LRRC34: variants seen among roughly 807,000 people sequenced by gnomAD.
LRRC34 encodes leucine-rich repeat-containing protein 34.
Under a neutral mutation model 48.5 loss-of-function variants are expected in LRRC34, and 44 were observed. The ratio of observed to expected loss-of-function variants is 0.91; its 90% confidence interval spans 0.71 to 1.17. The LOEUF (loss-of-function observed/expected upper bound fraction) is 1.17. LRRC34 is among the 50% of genes most tolerant of loss of function. The probability of loss-of-function intolerance (pLI) is 0.00; values close to 1 mark genes in which losing one functional copy is unlikely to be tolerated. For missense variants in LRRC34, 502 were observed against 563.0 expected (o/e 0.89, Z 1.10); for synonymous variants, 192 against 197.6 (o/e 0.97, Z 0.24).
chr3:169,793,476 T>C lies in LRRC34; in HGVS notation c.*159A>G, dbSNP rs1778866948. ...TTTAAAAAATTACCCTACTCAGTTT[T>C]TCACAATAGACAGTTATACAAAGTT... On this transcript the variant is annotated 3_prime_UTR_variant, in exon 11 of 11. Transcript: ENST00000446859. The C allele has an allele frequency of 1.9e-6, 1 of 529,684 alleles. No homozygotes were observed. The highest frequency in any genetic ancestry group is 3.2e-6 in the Non-Finnish European group (1 of 316,152). The allele number at this position is 529,684 out of a possible 1,614,324, so 32.8% of individuals were successfully genotyped here.
chr3:169,795,314 G>T, intron 10 of LRRC34, 171 bp downstream of exon 10: 2 of 506,888 alleles, frequency 3.9e-6, no homozygotes, highest in Non-Finnish European at 6.5e-6. Context: ...TAATATCTTT[G>T]GTTATTTGAA....
chr3:169,810,833 G>A (rs944093429), intron 1 of LRRC34, among the ~76,000 whole-genome samples: 3 of 152,354 alleles, frequency 2.0e-5, no homozygotes, highest in Non-Finnish European at 4.4e-5. Flanking sequence ...GGGAGGCCGA[G>A]GCGAGCGGAT....
Position 169,793,055 on chromosome 3 carries a change from A to G in LRRC34, c.*580T>C, listed in dbSNP as rs1048411511. Among the ~76,000 whole-genome samples, 4 of 152,036 alleles carry G rather than the reference A, an allele frequency of 2.6e-5. No individual in the cohort carries two copies. Among genetic ancestry groups the G allele is most frequent in the Admixed American group, 6.6e-5 (1 of 15,266 alleles). ...ATAAAGGTCAAGAACAGGCAAAACTACTCTGTGGGGTTAGAAGTCAGGATA... is the reference window on the plus strand; with the variant it reads ...ATAAAGGTCAAGAACAGGCAAAACTGCTCTGTGGGGTTAGAAGTCAGGATA... On this transcript the variant is annotated 3_prime_UTR_variant, in exon 11 of 11. Coordinates refer to ENST00000446859, the MANE Select transcript of LRRC34 (RefSeq NM_001172779.2).
chr3:169,809,199 CTT>C (rs35059929), intron 1 of LRRC34, among the ~76,000 whole-genome samples: 3,015 of 113,336 alleles, frequency 0.027, 91 homozygotes, highest in African/African-American at 0.087. Flanking sequence ...CTCAAGGTTT[CTT>C]TTTTTTTTTT....
Position 169,793,135 on chromosome 3 carries a change from G to A in LRRC34, c.*500C>T, listed in dbSNP as rs1560593624. Among the ~76,000 whole-genome samples, 1 of 152,098 alleles carries A rather than the reference G, an allele frequency of 6.6e-6. No individual in the cohort carries two copies. The highest frequency in any genetic ancestry group is 6.5e-5 in the Admixed American group (1 of 15,282). ...GCAGCACTGGCTTGTTGGGAAAGGG[G>A]TATGTATATGTTTATATATATTTGC... On this transcript the variant is annotated 3_prime_UTR_variant, in exon 11 of 11. Transcript: ENST00000446859.
chr3:169,799,782 G>A (rs1415503259), intron 7 of LRRC34, among the ~76,000 whole-genome samples: 4 of 152,144 alleles, frequency 2.6e-5, no homozygotes, highest in Admixed American at 6.5e-5. Flanking sequence ...GTGCAATCTC[G>A]GCTCACTGCA....
At chr3:169,809,601 CT>C (rs1246761834) in intron 1 of LRRC34, among the ~76,000 whole-genome samples, 1 of 152,198 alleles carries the variant, frequency 6.6e-6, no homozygotes, top group Non-Finnish European at 1.5e-5. Flanking sequence ...CCTACATCTT[CT>C]GGGGTGGAAG....
intron 6 of LRRC34, 134 bp from the exon 7 acceptor site, chr3:169,800,888 G>A (rs1294487256): frequency 3.2e-6 from 2 of 625,410 alleles, no homozygotes; most frequent in Admixed American, 3.0e-5. Flanking sequence ...ACTTTGAATT[G>A]TAAGTTGATC....
intron 1 of LRRC34, among the ~76,000 whole-genome samples, chr3:169,809,203 T>C (rs1465411983): frequency 6.7e-6 from 1 of 150,364 alleles, no homozygotes; most frequent in Non-Finnish European, 1.5e-5. Context: ...AGGTTTCTTT[T>C]TTTTTTTTTT....
intron 10 of LRRC34, chr3:169,794,648 T>C (rs914758444): frequency 1.3e-5 from 2 of 152,442 alleles, no homozygotes; most frequent in Non-Finnish European, 2.9e-5. Flanking sequence ...TCTCTTGACC[T>C]CGTGATCCCC....
chr3:169,809,465 C>T (rs1026172824), intron 1 of LRRC34, among the ~76,000 whole-genome samples: 5 of 152,122 alleles, frequency 3.3e-5, no homozygotes, highest in African/African-American at 1.2e-4. Flanking sequence ...CTAAAGGTGA[C>T]TTTTCCCTAA....
At chr3:169,809,958 CTTTT>C (rs11344572) in intron 1 of LRRC34, among the ~76,000 whole-genome samples, 2 of 138,234 alleles carry the variant, frequency 1.4e-5, no homozygotes, top group Admixed American at 7.2e-5. Flanking sequence ...TTGGAAATTT[CTTTT>C]TTTTTTTTTT....
At chr3:169,796,525 A>G (rs1465624246) in intron 8 of LRRC34, 156 bp from the exon 9 acceptor site, 5 of 993,704 alleles carry the variant, frequency 5.0e-6, no homozygotes, top group African/African-American at 1.7e-5. Context: ...TCACCATAAA[A>G]TATTGCTTTC....
In LRRC34 at chr3:169,812,429, C is replaced by A; in HGVS notation, c.120G>T (p.Ala40=). The A allele has an allele frequency of 6.5e-7, 1 of 1,529,294 alleles. No individual in the cohort carries two copies. Among genetic ancestry groups the A allele is most frequent in the Non-Finnish European group, 8.7e-7 (1 of 1,144,736 alleles). The allele number at this position is 1,529,294 out of a possible 1,614,324, so 94.7% of individuals were successfully genotyped here. The change falls in exon 1 of 11, where the codon GCG becomes GCT. Residue 40 remains alanine, a synonymous_variant. Transcript: ENST00000446859. This position sits in a 1 kb window ranked among gnomAD's most constrained non-coding sequence, Gnocchi z 4.3. ...TCTTACCGCGCTGGACCGCCAGGGC[C>A]GCGCCCGGAGTACTGGCCTGAGTGG... is the stretch of plus-strand genomic sequence containing the variant. ...WASTQASTPG[A]ALAVQRESPE...
In LRRC34 at chr3:169,796,853, CAG is replaced by C. The variant is rs770985781; in HGVS notation, c.798_799del (p.His266GlnfsTer9). The C allele has an allele frequency of 1.2e-5, 19 of 1,607,340 alleles. No individual in the cohort carries two copies. In the African/African-American group the frequency reaches 1.5e-4, roughly 12 times the overall value. On this transcript the variant is annotated frameshift_variant, in exon 8 of 11. Transcript: ENST00000446859. LOFTEE classifies it high-confidence loss of function. ...CTTACACATGTGTAGTGCAACAAGACAGTGATTTTCTTTCAACATGCGGCCTA... is the reference window on the plus strand; with the variant it reads ...CTTACACATGTGTAGTGCAACAAGACTGATTTTCTTTCAACATGCGGCCTA...
In LRRC34 at chr3:169,812,610, G is replaced by C; in HGVS notation, c.-62C>G. On this transcript the variant is annotated 5_prime_UTR_variant, in exon 1 of 11. Coordinates refer to ENST00000446859, the MANE Select transcript of LRRC34 (RefSeq NM_001172779.2). The surrounding 1 kb of genome is among the most constrained non-coding windows in gnomAD (Gnocchi z 4.3). ...GTGAGGCGGCTACACGAGCCTCGGC[G>C]CCAGCCTGCTTCGAGTCCCGCTGGC... 1 of 1,412,312 alleles carries C rather than the reference G, an allele frequency of 7.1e-7. No individual in the cohort carries two copies. Among genetic ancestry groups the C allele is most frequent in the Non-Finnish European group, 9.2e-7 (1 of 1,090,346 alleles). 87.5% of individuals were successfully genotyped at this position (1,412,312 alleles called of 1,614,324 possible).
intron 10 of LRRC34, 131 bp downstream of exon 10, chr3:169,795,354 G>T: frequency 3.3e-6 from 3 of 915,388 alleles, no homozygotes; most frequent in South Asian, 2.4e-5. Context: ...TTAATTTTAA[G>T]ACTTATGTTA....
In LRRC34 at chr3:169,793,605, G is replaced by A; in HGVS notation, c.*30C>T. The A allele has an allele frequency of 6.8e-7, 1 of 1,475,400 alleles. No individual in the cohort carries two copies. The highest frequency in any genetic ancestry group is 1.2e-5 in the South Asian group (1 of 86,140). 91.4% of individuals were successfully genotyped at this position (1,475,400 alleles called of 1,614,324 possible). Reference sequence around the variant, plus strand: ...TAATCTCTGTGAAACAATAAGACAAGTGTATGAAAATTATTTTACAGCTAC... The same window carrying A: ...TAATCTCTGTGAAACAATAAGACAAATGTATGAAAATTATTTTACAGCTAC... On this transcript the variant is annotated 3_prime_UTR_variant, in exon 11 of 11. Coordinates refer to ENST00000446859, the MANE Select transcript of LRRC34 (RefSeq NM_001172779.2).
In LRRC34 at chr3:169,793,815, C is replaced by A. The variant is rs9872760; in HGVS notation, c.1215G>T (p.Met405Ile). Residue 405 changes from methionine (M) to isoleucine (I), a missense_variant, in exon 11 of 11, where the codon ATG (methionine) becomes ATT (isoleucine). Met to Ile is a conservative substitution (Grantham distance 10, BLOSUM62 1). Transcript: ENST00000446859. Reference protein sequence around the residue: ...TCIAYSDLIQMGCLKPDNTDV... With the variant: ...TCIAYSDLIQIGCLKPDNTDV... ...CTGTATTGTCTGGTTTTAGACAACCCATTTGAATTAAGTCTGAATATGCCT... is the reference window on the plus strand; with the variant it reads ...CTGTATTGTCTGGTTTTAGACAACCAATTTGAATTAAGTCTGAATATGCCT... The A allele has an allele frequency of 3.0e-3, 4,762 of 1,611,502 alleles. 101 individuals are homozygous for A. The African/African-American group carries it at 0.057, about 19-fold the overall frequency.
Sources: gnomAD v4.1 joint callset for allele counts (sites outside exome capture counted in the v4.1 genomes callset) on GRCh38, gnomAD v4.1.1 for gene constraint, Gnocchi (gnomAD v3.1) non-coding constraint, MANE v1.5 for transcripts, NCBI Gene and HGNC (gene_info 2026-07-23, HGNC 2026-07-21) for gene names.